The following NTRK3 variants were observed in gnomAD, a reference collection of about 807,000 sequenced individuals.
NTRK3 encodes the protein NT-3 growth factor receptor.
A neutral mutation model predicts 91.7 loss-of-function variants in NTRK3; 24 were observed. The ratio of observed to expected loss-of-function variants is 0.26; its 90% confidence interval spans 0.19 to 0.37. The LOEUF is 0.37. Ranked by LOEUF, NTRK3 falls within the 10% of genes least tolerant of loss-of-function variation. NTRK3 has a pLI of 1.00. For missense variants in NTRK3, 880 were observed against 1,068.9 expected, an observed-to-expected ratio of 0.82 and a Z score of 2.46; for synonymous variants, 483 against 404.0, an observed-to-expected ratio of 1.20 and a Z score of -2.34.
chr15:88,184,252 A>T, exon 4 of NTRK3: 1 of 1,596,336 alleles, frequency 6.3e-7, no homozygotes, highest in Non-Finnish European at 8.5e-7. Flanking sequence ...GTAGAGCTCC[A>T]TGTCCACGGC....
At chr15:88,151,856 G>A (rs575347339) in intron 5 of NTRK3, among the ~76,000 whole-genome samples, 11 of 152,274 alleles carry the variant, frequency 7.2e-5, no homozygotes, top group South Asian at 4.1e-4. Flanking sequence ...GGTCCTCTGC[G>A]TCTCTGAGCT....
chr15:87,944,267 A>G (rs1214744480), intron 14 of NTRK3, among the ~76,000 whole-genome samples: 1 of 152,192 alleles, frequency 6.6e-6, no homozygotes, highest in Admixed American at 6.5e-5. Flanking sequence ...ACATAAGGCA[A>G]ATCACTTCCA....
At position 87,878,906 on chromosome 15, in the gene NTRK3, GGTGTGTGTGTGTGTGTGTGT is replaced by G. The variant is rs34029623; in HGVS notation, c.2292+1344_2292+1363del. 5.0e-4 allele frequency among the ~76,000 whole-genome samples: 71 copies of G among 142,028 alleles called. 1 individual carries two copies. Among genetic ancestry groups the G allele is most frequent in the African/African-American group, 1.8e-3 (68 of 38,320 alleles). 93.2% of individuals were successfully genotyped at this position (142,028 alleles called of 152,430 possible). On this transcript the variant is annotated intron_variant, in intron 18 of 18. Transcript: ENST00000394480. ...GGAGGCAGTGTTCAGGTGCATGCATGGTGTGTGTGTGTGTGTGTGTGTGTGTGTGTGTGTGTGTGTGTGTG... is the reference window on the plus strand; with the variant it reads ...GGAGGCAGTGTTCAGGTGCATGCATGGTGTGTGTGTGTGTGTGTGTGTGTG...
chr15:88,017,001 T>A (rs976136760), intron 14 of NTRK3, among the ~76,000 whole-genome samples: 3 of 146,684 alleles, frequency 2.0e-5, no homozygotes, highest in Admixed American at 6.8e-5. Flanking sequence ...AAATTCCCCA[T>A]GGAAATATGG....
At chr15:88,216,607 G>C (rs3963196) in intron 3 of NTRK3, among the ~76,000 whole-genome samples, 119,551 of 152,124 alleles carry the variant, frequency 0.79, 48,825 homozygotes, top group East Asian at 0.99. Flanking sequence ...GATCCAAGTG[G>C]AGCAGCTGGA....
At chr15:87,909,853 A>C (rs1349137137) in intron 17 of NTRK3, among the ~76,000 whole-genome samples, 1 of 152,224 alleles carries the variant, frequency 6.6e-6, no homozygotes, top group Admixed American at 6.5e-5. Context: ...AGCCATGTGC[A>C]AGACAAAGAG....
chr15:88,122,746 T>C (rs1449859822), intron 13 of NTRK3, among the ~76,000 whole-genome samples: 3 of 152,196 alleles, frequency 2.0e-5, no homozygotes, highest in Non-Finnish European at 4.4e-5. Context: ...TTTATGAGTT[T>C]TCCCTATCAT....
chr15:88,127,906 T>C (rs2053459127), intron 11 of NTRK3, among the ~76,000 whole-genome samples: 1 of 152,144 alleles, frequency 6.6e-6, no homozygotes, highest in South Asian at 2.1e-4. Context: ...ATCACCTCCT[T>C]GACAAGAAAT....
intron 13 of NTRK3, among the ~76,000 whole-genome samples, chr15:88,123,366 T>C (rs2052939237): frequency 6.6e-6 from 1 of 152,172 alleles, no homozygotes; most frequent in East Asian, 1.9e-4. Flanking sequence ...GGGGTGGATG[T>C]GAAGAGACAA....
chr15:88,089,695 T>C (rs186766280), intron 13 of NTRK3, among the ~76,000 whole-genome samples: 1 of 152,274 alleles, frequency 6.6e-6, no homozygotes, highest in African/African-American at 2.4e-5. Context: ...GCCTTGACTC[T>C]GTACTCTTGA....
intron 10 of NTRK3, among the ~76,000 whole-genome samples, chr15:88,129,148 TA>T (rs2053576959): frequency 1.3e-5 from 2 of 152,214 alleles, no homozygotes; most frequent in South Asian, 4.1e-4. Flanking sequence ...GATCTCAAGA[TA>T]AACTTATTCA....
At chr15:88,123,015 G>T (rs1368006679) in intron 13 of NTRK3, among the ~76,000 whole-genome samples, 2 of 152,178 alleles carry the variant, frequency 1.3e-5, no homozygotes, top group African/African-American at 2.4e-5. Context: ...AATGTACTGG[G>T]ATTAGCGTAT....
chr15:88,165,861 G>C (rs1418381568), intron 5 of NTRK3, among the ~76,000 whole-genome samples: 2 of 152,134 alleles, frequency 1.3e-5, no homozygotes, highest in East Asian at 3.9e-4. Flanking sequence ...ACCTGAGTGT[G>C]TGTGTGTGTG....
chr15:87,908,692 G>A (rs776827711), intron 17 of NTRK3: 16 of 395,716 alleles, frequency 4.0e-5, no homozygotes, highest in South Asian at 2.8e-4. Context: ...ACTGAATGGC[G>A]TGTCTCTCCT....
At chr15:87,932,918 T>A (rs2068932717) in intron 16 of NTRK3, 94 bp downstream of exon 16, 1 of 1,248,562 alleles carries the variant, frequency 8.0e-7, no homozygotes, top group African/African-American at 1.5e-5. Flanking sequence ...GAGGAAAGTG[T>A]TTAGAGGGGG....
rs574563072 is a variant in NTRK3 at position 87,992,902 on chromosome 15, T to G, written c.1585+39955A>C. On this transcript the variant is annotated intron_variant, in intron 14 of 18. Coordinates refer to ENST00000394480, the Ensembl canonical transcript of NTRK3. ...GTGATAGATACGGATTTCAGACAAT[T>G]GAAGTCTTGTTTTTTCAGAACCATG... Among the ~76,000 whole-genome samples, 21 of 152,340 alleles carry G rather than the reference T, an allele frequency of 1.4e-4. 1 individual carries two copies. The highest frequency in any genetic ancestry group is 6.8e-3 in the Middle Eastern group (2 of 294).
At chr15:87,881,406 CTTAT>C (rs61208268) in intron 17 of NTRK3, among the ~76,000 whole-genome samples, 53 of 149,258 alleles carry the variant, frequency 3.6e-4, no homozygotes, top group South Asian at 1.1e-3. Flanking sequence ...TTCCTTCTTT[CTTAT>C]TTATTTATTT....
intron 13 of NTRK3, among the ~76,000 whole-genome samples, chr15:88,118,678 TA>T (rs1230062100): frequency 6.6e-6 from 1 of 152,238 alleles, no homozygotes; most frequent in African/African-American, 2.4e-5. Flanking sequence ...TATAGTTTCC[TA>T]AGGTGTAAAA....
chr15:87,937,677 A>T (rs2069425045), intron 15 of NTRK3, among the ~76,000 whole-genome samples: 2 of 152,184 alleles, frequency 1.3e-5, no homozygotes, highest in African/African-American at 4.8e-5. Flanking sequence ...AATCAATTTT[A>T]TTAGAATGGC....
Sources: allele counts gnomAD v4.1 joint callset (sites outside exome capture counted in the v4.1 genomes callset), GRCh38; gene constraint gnomAD v4.1.1; transcripts MANE v1.5; gene names NCBI Gene and HGNC (gene_info 2026-07-23, HGNC 2026-07-21).